Variants in RNF19A observed in about 807,000 individuals in gnomAD.
The protein encoded by RNF19A is ring finger protein 19A, RBR E3 ubiquitin protein ligase.
RNF19A carries 32 observed loss-of-function variants against 75.7 expected under a neutral mutation model. The ratio of observed to expected loss-of-function variants is 0.42; its 90% CI spans 0.32 to 0.57. The LOEUF (loss-of-function observed/expected upper bound fraction) is 0.57, where lower values mean the gene tolerates loss of function less well. Among genes scored for constraint, RNF19A ranks in the 20% least tolerant of loss-of-function variants. RNF19A has a pLI of 0.10. For synonymous variants in RNF19A, 335 were observed against 345.2 expected (o/e 0.97, Z 0.33); for missense variants, 782 against 1,036.3 (o/e 0.75, Z 3.37).
intron 1 of RNF19A, among the ~76,000 whole-genome samples, chr8:100,289,480 A>C (rs548857941): frequency 6.6e-6 from 1 of 152,352 alleles, no homozygotes; most frequent in South Asian, 2.1e-4. Context: ...ATAAGAAAAC[A>C]TAGACAATCC....
At chr8:100,316,086 T>C (rs1404848114) in intron 1 of RNF19A, among the ~76,000 whole-genome samples, 1 of 152,118 alleles carries the variant, frequency 6.6e-6, no homozygotes, top group Non-Finnish European at 1.5e-5. Context: ...TCGGAGTTTC[T>C]TCTTTCTGGT....
intron 1 of RNF19A, among the ~76,000 whole-genome samples, chr8:100,299,137 T>C (rs41354249): frequency 0.021 from 3,177 of 152,318 alleles, 82 homozygotes; most frequent in Non-Finnish European, 0.024. Context: ...TATTAGATCT[T>C]AACCAAGTTT....
chr8:100,260,418 G>A lies in RNF19A; in HGVS notation c.1683-421C>T, dbSNP rs1563830547. 6.6e-6 allele frequency among the ~76,000 whole-genome samples: 1 copy of A among 152,078 alleles called. No individual in the cohort carries two copies. Among genetic ancestry groups the A allele is most frequent in the Non-Finnish European group, 1.5e-5 (1 of 68,008 alleles). ...AAAAATGACTCTATAAATAACACCT[G>A]CCTTTTAATACTTTATTTATTTATA... On this transcript the variant is annotated intron_variant, in intron 8 of 9. Coordinates refer to ENST00000341084, the MANE Select transcript of RNF19A (RefSeq NM_183419.4). The surrounding 1 kb of genome is among the most constrained non-coding windows in gnomAD (Gnocchi z 4.1).
chr8:100,314,287 A>G (rs1292805161), upstream of RNF19A, among the ~76,000 whole-genome samples: 1 of 152,186 alleles, frequency 6.6e-6, no homozygotes, highest in Non-Finnish European at 1.5e-5. This position sits in a 1 kb window ranked among gnomAD's most constrained non-coding sequence, Gnocchi z 4.1. Flanking sequence ...GAGTACATAT[A>G]CTATATGACA....
intron 2 of RNF19A, among the ~76,000 whole-genome samples, chr8:100,281,009 A>G (rs1000105600): frequency 1.8e-4 from 28 of 152,228 alleles, no homozygotes; most frequent in African/African-American, 6.3e-4. Context: ...GGCTCAATAG[A>G]AGGTCATGGA....
Position 100,260,974 on chromosome 8 carries a change from G to A in RNF19A, c.1682+568C>T, listed in dbSNP as rs1819684845. Among the ~76,000 whole-genome samples, 2 of 152,184 alleles carry A rather than the reference G, an allele frequency of 1.3e-5. No individual in the cohort carries two copies. On this transcript the variant is annotated intron_variant, in intron 8 of 9. Transcript: ENST00000341084. This position sits in a 1 kb window ranked among gnomAD's most constrained non-coding sequence, Gnocchi z 4.1. ...CCACAGAGGTAAGATCTAGGCTTAAGTACTGCCTTTGCTTCAATGTCTACT... is the reference window on the plus strand; with the variant it reads ...CCACAGAGGTAAGATCTAGGCTTAAATACTGCCTTTGCTTCAATGTCTACT...
intron 1 of RNF19A, among the ~76,000 whole-genome samples, chr8:100,299,838 C>T (rs1239499171): frequency 6.6e-6 from 1 of 152,168 alleles, no homozygotes; most frequent in Admixed American, 6.5e-5. Flanking sequence ...AATCCCTCAA[C>T]TCCATACAAA....
chr8:100,304,609 A>T (rs1430958225), intron 1 of RNF19A, among the ~76,000 whole-genome samples: 1 of 152,226 alleles, frequency 6.6e-6, no homozygotes, highest in Admixed American at 6.5e-5. Context: ...TCCATACAAA[A>T]ACTGAAAAAC....
intron 1 of RNF19A, among the ~76,000 whole-genome samples, chr8:100,291,117 ATTTT>A (rs1268845875): frequency 6.6e-6 from 1 of 152,192 alleles, no homozygotes; most frequent in African/African-American, 2.4e-5. Flanking sequence ...TGGCTCAGCT[ATTTT>A]TTGTTATCAT....
rs1346581112 is a variant in RNF19A, at chr8:100,324,851, C to CTCCT, written c.-243+11253_-243+11256dup. ...TTCCTCCTTCTTCCTCCCTCCCTCCCTCCTTCCTTTCTCTCTTTCTCTTTT... is the reference window on the plus strand; with the variant it reads ...TTCCTCCTTCTTCCTCCCTCCCTCCCTCCTTCCTTCCTTTCTCTCTTTCTCTTTT... On this transcript the variant is annotated intron_variant, in intron 1 of 3. Coordinates refer to the RNF19A transcript ENST00000519527. The surrounding 1 kb of genome is among the most constrained non-coding windows in gnomAD (Gnocchi z 4.2). Among the ~76,000 whole-genome samples the CTCCT allele has an allele frequency of 6.7e-6, 1 of 150,364 alleles. No individual in the cohort carries two copies. The highest frequency in any genetic ancestry group is 2.4e-5 in the African/African-American group (1 of 40,848).
Position 100,258,086 on chromosome 8 carries a change from T to C in RNF19A, c.*470A>G, listed in dbSNP as rs146835782. The C allele has an allele frequency of 3.9e-4, 155 of 398,882 alleles. 1 individual carries two copies. The highest frequency in any genetic ancestry group is 2.5e-3 in the Middle Eastern group (4 of 1,584). 24.7% of individuals were successfully genotyped at this position (398,882 alleles called of 1,614,324 possible). A position where few individuals can be genotyped will look rare whatever the true frequency, so the allele number is the denominator to read the frequency against. On this transcript the variant is annotated 3_prime_UTR_variant, in exon 10 of 10. Transcript: ENST00000341084. This position sits in a 1 kb window ranked among gnomAD's most constrained non-coding sequence, Gnocchi z 4.3. ...AAAATGAAATTTATGCCGATATAAA[T>C]AGAAATGTTACAGAGTATCATATAC...
chr8:100,310,834 AT>A (rs1822275702), upstream of RNF19A, among the ~76,000 whole-genome samples: 1 of 152,162 alleles, frequency 6.6e-6, no homozygotes. Context: ...AATTACTTTA[AT>A]CCAGCTTTAT....
chr8:100,328,083 G>A (rs770405294), intron 1 of RNF19A, among the ~76,000 whole-genome samples: 8 of 152,204 alleles, frequency 5.3e-5, no homozygotes, highest in Middle Eastern at 3.4e-3. Flanking sequence ...TATGGGAGGC[G>A]AGATGAAAGG....
intron 3 of RNF19A, among the ~76,000 whole-genome samples, chr8:100,271,266 A>C (rs368393150): frequency 6.6e-6 from 1 of 152,104 alleles, no homozygotes; most frequent in African/African-American, 2.4e-5. Flanking sequence ...GACCAGGACA[A>C]TTGATAATTA....
In RNF19A at chr8:100,258,719, G is replaced by A. The variant is rs1369896008; in HGVS notation, c.2354C>T (p.Ser785Phe). 2.5e-6 allele frequency: 4 copies of A among 1,614,048 alleles called. No homozygotes were observed. Among genetic ancestry groups the A allele is most frequent in the Admixed American group, 1.7e-5 (1 of 60,002 alleles). The stretch of plus-strand genomic sequence containing the variant: ...ATTCAACTGTGAAACTTCTGAACAG[G>A]AAGCAGTTTGGGTAACCACAGAAAT... ...CSISVVTQTASCSEVSQLNHI... is the reference protein window; with the variant it reads ...CSISVVTQTAFCSEVSQLNHI... The change falls in exon 10 of 10, where the codon TCC becomes TTC. Residue 785 changes from serine (S) to phenylalanine (F), a missense_variant. By Grantham distance (155) the Ser-to-Phe change is radical. Transcript: ENST00000341084. This position sits in a 1 kb window ranked among gnomAD's most constrained non-coding sequence, Gnocchi z 4.3.
chr8:100,278,154 C>T (rs1820613174), intron 2 of RNF19A, among the ~76,000 whole-genome samples: 1 of 152,208 alleles, frequency 6.6e-6, no homozygotes. Context: ...TTGGCTTAGC[C>T]TCAGTATTCA....
At position 100,309,900 on chromosome 8, in the gene RNF19A, G is replaced by A. The variant is rs1388236200; in HGVS notation, c.-127C>T. On this transcript the variant is annotated 5_prime_UTR_variant, in exon 1 of 10. Transcript: ENST00000341084. ...CCTCAGAGCGGCGGCAGCGCAGGGTGGCGGGCGAGTAGGCCCATCTCCCAG... is the reference window on the plus strand; with the variant it reads ...CCTCAGAGCGGCGGCAGCGCAGGGTAGCGGGCGAGTAGGCCCATCTCCCAG... 15 of 985,634 alleles carry A rather than the reference G, an allele frequency of 1.5e-5. No homozygotes were observed. The highest frequency in any genetic ancestry group is 1.7e-5 in the African/African-American group (1 of 57,270). The allele number at this position is 985,634 out of a possible 1,614,324, so 61.1% of individuals were successfully genotyped here.
At chr8:100,263,983 C>T (rs1819849124) in intron 7 of RNF19A, 51 bp downstream of exon 7, 6 of 1,511,680 alleles carry the variant, frequency 4.0e-6, no homozygotes, top group Non-Finnish European at 5.4e-6. Flanking sequence ...GGCCTCCCCA[C>T]TACTTACACT....
chr8:100,286,635 G>C (rs1821033719), intron 2 of RNF19A, among the ~76,000 whole-genome samples: 1 of 152,150 alleles, frequency 6.6e-6, no homozygotes, highest in South Asian at 2.1e-4. Flanking sequence ...CAGGTAATGA[G>C]TCTTGAAGTT....
Sources: gnomAD v4.1 joint callset for allele counts (sites outside exome capture counted in the v4.1 genomes callset) on GRCh38, gnomAD v4.1.1 for gene constraint, Gnocchi (gnomAD v3.1) non-coding constraint, MANE v1.5 for transcripts, NCBI Gene and HGNC (gene_info 2026-07-23, HGNC 2026-07-21) for gene names.